RIMBP2: variants seen among roughly 807,000 people sequenced by gnomAD.
RIMBP2 encodes RIMS binding protein 2, also known as RIMS-binding protein 2.
Under a neutral mutation model 118.6 loss-of-function variants are expected in RIMBP2, and 48 were observed. That is an observed-to-expected ratio of 0.40 (90% confidence interval 0.32 to 0.51). The LOEUF is 0.51. Among genes scored for constraint, RIMBP2 ranks in the 20% least tolerant of loss-of-function variants. The probability of loss-of-function intolerance (pLI) is 0.41; values close to 1 mark genes in which losing one functional copy is unlikely to be tolerated. For missense variants in RIMBP2, 1,551 were observed against 1,768.3 expected (o/e 0.88, Z 2.20); for synonymous variants, 762 against 742.9 (o/e 1.03, Z -0.42).
intron 2 of RIMBP2, among the ~76,000 whole-genome samples, chr12:130,544,596 C>CTTTTTTTT (rs35041449): frequency 2.0e-5 from 2 of 100,526 alleles, no homozygotes; most frequent in African/African-American, 3.9e-5. Flanking sequence ...AACTGGAGGC[C>CTTTTTTTT]TTTTTTTTTT....
chr12:130,419,887 C>T lies in RIMBP2; in HGVS notation c.3238+2566G>A, dbSNP rs1255584779. ...CTAATTAAGTATATATTTGAAGCCACATAATTTTGTTTTTTAATCATGAAG... is the reference window on the plus strand; with the variant it reads ...CTAATTAAGTATATATTTGAAGCCATATAATTTTGTTTTTTAATCATGAAG... On this transcript the variant is annotated intron_variant, in intron 17 of 22. Coordinates refer to ENST00000690449, the MANE Select transcript of RIMBP2 (RefSeq NM_001393629.1). The surrounding 1 kb of genome is among the most constrained non-coding windows in gnomAD (Gnocchi z 4.3). 6.6e-6 allele frequency: 1 copy of T among 152,044 alleles called. No individual in the cohort carries two copies. Among genetic ancestry groups the T allele is most frequent in the African/African-American group, 2.4e-5 (1 of 41,396 alleles). The allele number at this position is 152,044 out of a possible 1,614,324, so 9.4% of individuals were successfully genotyped here.
At chr12:130,481,160 G>T in intron 4 of RIMBP2, among the ~76,000 whole-genome samples, 1 of 148,580 alleles carries the variant, frequency 6.7e-6, no homozygotes, top group East Asian at 2.0e-4. Context: ...TGGTGAGGGC[G>T]GGGGCACCCA....
At chr12:130,423,079 C>G (rs937563122) in intron 16 of RIMBP2, among the ~76,000 whole-genome samples, 1 of 152,204 alleles carries the variant, frequency 6.6e-6, no homozygotes, top group Admixed American at 6.5e-5. Flanking sequence ...TACTCCTAAT[C>G]TGAAAATGCT....
At chr12:130,459,823 A>C (rs1189971501) in intron 6 of RIMBP2, among the ~76,000 whole-genome samples, 2 of 151,584 alleles carry the variant, frequency 1.3e-5, no homozygotes, top group Non-Finnish European at 2.9e-5. Context: ...GCAGCTGCAT[A>C]CTCTCTGTGG....
chr12:130,519,451 T>C (rs1181007578), intron 2 of RIMBP2, among the ~76,000 whole-genome samples: 1 of 152,188 alleles, frequency 6.6e-6, no homozygotes, highest in African/African-American at 2.4e-5. Flanking sequence ...TTAGGGAAAG[T>C]GATTGATAAT....
rs994570282 is a variant in RIMBP2 at position 130,424,536 on chromosome 12, G to A, written c.2735C>T (p.Ser912Leu). The A allele has an allele frequency of 9.3e-5, 114 of 1,231,866 alleles. No homozygotes were observed. The highest frequency in any genetic ancestry group is 6.5e-4 in the African/African-American group (42 of 64,412). The allele number at this position is 1,231,866 out of a possible 1,614,324, so 76.3% of individuals were successfully genotyped here. A position where few individuals can be genotyped will look rare whatever the true frequency, so the allele number is the denominator to read the frequency against. The change falls in exon 16 of 23, where the codon TCG (serine) becomes TTG (leucine). Residue 912 changes from serine to leucine, a missense_variant. Coordinates refer to ENST00000690449, the MANE Select transcript of RIMBP2 (RefSeq NM_001393629.1). This position sits in a 1 kb window ranked among gnomAD's most constrained non-coding sequence, Gnocchi z 9.8. ...LEDRGCRFSR[S>L]ATRSPDSGLD... ...GCCGCTGTCCGGGCTCCGGGTGGCCGAGCGGCTGAACCGACAGCCCCTGTC... is the reference window on the plus strand; with the variant it reads ...GCCGCTGTCCGGGCTCCGGGTGGCCAAGCGGCTGAACCGACAGCCCCTGTC...
intron 2 of RIMBP2, among the ~76,000 whole-genome samples, chr12:130,545,135 C>T (rs1197147787): frequency 1.3e-5 from 2 of 152,128 alleles, no homozygotes; most frequent in Non-Finnish European, 2.9e-5. Flanking sequence ...CATTGTTTTT[C>T]AAGTGTTTCA....
intron 1 of RIMBP2, among the ~76,000 whole-genome samples, chr12:130,699,960 A>G (rs908573512): frequency 1.2e-4 from 18 of 151,484 alleles, no homozygotes; most frequent in South Asian, 1.0e-3. Flanking sequence ...AAATATCCCA[A>G]TTTTTAAAAT....
intron 16 of RIMBP2, among the ~76,000 whole-genome samples, chr12:130,423,403 C>A (rs908164841): frequency 6.6e-6 from 1 of 152,134 alleles, no homozygotes; most frequent in Admixed American, 6.5e-5. Flanking sequence ...GGCCTCAGAC[C>A]CAAGGCCTGG....
chr12:130,684,369 A>G (rs7299932), intron 1 of RIMBP2, among the ~76,000 whole-genome samples: 41,185 of 152,144 alleles, frequency 0.27, 6,229 homozygotes, highest in African/African-American at 0.38. Flanking sequence ...ACATGTTCTC[A>G]GGACCTCCTG....
intron 2 of RIMBP2, among the ~76,000 whole-genome samples, chr12:130,565,313 G>A (rs1257805023): frequency 6.6e-6 from 1 of 152,162 alleles, no homozygotes; most frequent in Admixed American, 6.5e-5. Flanking sequence ...TGGTAGGGAT[G>A]TAAAATGGGA....
Position 130,490,122 on chromosome 12 carries a change from TCAAA to T in RIMBP2, c.-3-11110_-3-11107del, listed in dbSNP as rs771524971. Among the ~76,000 whole-genome samples the T allele has an allele frequency of 1.0e-3, 86 of 83,102 alleles. 1 individual carries two copies. The highest frequency in any genetic ancestry group is 1.0e-3 in the Non-Finnish European group (43 of 42,100). 54.5% of individuals were successfully genotyped at this position (83,102 alleles called of 152,430 possible). A position where few individuals can be genotyped will look rare whatever the true frequency, so the allele number is the denominator to read the frequency against. On this transcript the variant is annotated intron_variant, in intron 4 of 22. Coordinates refer to ENST00000690449, the MANE Select transcript of RIMBP2 (RefSeq NM_001393629.1). ...CTGGGTGACAGAGCGAGACTCTGTC[TCAAA>T]AAAAAAAAAAAAAAAAGATAAAAAA...
rs544633636 is a variant in RIMBP2, at chr12:130,691,008, G to A, written c.-352+25214C>T. Among the ~76,000 whole-genome samples the A allele has an allele frequency of 9.7e-4, 148 of 152,258 alleles. 1 individual carries two copies. Among genetic ancestry groups the A allele is most frequent in the Non-Finnish European group, 1.7e-3 (113 of 68,008 alleles). ...CCCACAGAAAAGAATGTTAAACAGCGTGTTTCTTGTTGGGGGAGGAGGGAG... is the reference window on the plus strand; with the variant it reads ...CCCACAGAAAAGAATGTTAAACAGCATGTTTCTTGTTGGGGGAGGAGGGAG... On this transcript the variant is annotated intron_variant, in intron 1 of 22. Coordinates refer to ENST00000690449, the MANE Select transcript of RIMBP2 (RefSeq NM_001393629.1).
At chr12:130,493,218 T>A (rs1229295407) in intron 4 of RIMBP2, among the ~76,000 whole-genome samples, 1 of 152,226 alleles carries the variant, frequency 6.6e-6, no homozygotes, top group Non-Finnish European at 1.5e-5. Context: ...TTTATTTAGG[T>A]CTGCCACTCG....
At chr12:130,554,230 C>T (rs1006202547) in intron 2 of RIMBP2, among the ~76,000 whole-genome samples, 4 of 152,232 alleles carry the variant, frequency 2.6e-5, no homozygotes, top group African/African-American at 9.6e-5. Context: ...CCAGTCTCAA[C>T]TTCTCTGAGC....
chr12:130,519,506 C>T (rs11611030), intron 2 of RIMBP2, among the ~76,000 whole-genome samples: 9,395 of 152,294 alleles, frequency 0.062, 387 homozygotes, highest in South Asian at 0.16. Context: ...GATGGCATAA[C>T]ATTTATTGTT....
chr12:130,714,445 C>A (rs1950184895), intron 1 of RIMBP2, among the ~76,000 whole-genome samples: 1 of 152,202 alleles, frequency 6.6e-6, no homozygotes. Flanking sequence ...CTGCTATGCC[C>A]CGGGGAGGGC....
At chr12:130,640,435 C>T (rs532641545) in intron 1 of RIMBP2, among the ~76,000 whole-genome samples, 33 of 152,328 alleles carry the variant, frequency 2.2e-4, no homozygotes, top group South Asian at 1.9e-3. Flanking sequence ...TTCAGTGTAT[C>T]GTGCTATTTT....
chr12:130,460,189 G>C (rs2079849797), intron 6 of RIMBP2, among the ~76,000 whole-genome samples: 1 of 152,132 alleles, frequency 6.6e-6, no homozygotes, highest in African/African-American at 2.4e-5. Context: ...TGTTCATCAG[G>C]GCCGGGTTCC....
Sources: gnomAD v4.1 joint callset for allele counts (sites outside exome capture counted in the v4.1 genomes callset) on GRCh38, gnomAD v4.1.1 for gene constraint, Gnocchi (gnomAD v3.1) non-coding constraint, MANE v1.5 for transcripts, NCBI Gene and HGNC (gene_info 2026-07-23, HGNC 2026-07-21) for gene names.